Variants in THAP10 observed in about 807,000 individuals in gnomAD.
THAP10 encodes the protein THAP domain containing 10, also known as THAP domain-containing protein 10.
THAP10 carries 10 observed loss-of-function variants against 15.7 expected under a neutral mutation model. The observed-to-expected ratio is 0.64, with a 90% confidence interval of 0.39 to 1.08. The LOEUF (loss-of-function observed/expected upper bound fraction) is 1.08. Among genes scored for constraint, THAP10 ranks in the 50% least tolerant of loss-of-function variants. THAP10 has a pLI of 0.01. For missense variants in THAP10, 310 were observed against 330.9 expected (o/e 0.94, Z 0.49); for synonymous variants, 127 against 129.1 (o/e 0.98, Z 0.11).
intron 1 of THAP10, among the ~76,000 whole-genome samples, chr15:70,890,315 G>C (rs987748012): frequency 6.6e-6 from 1 of 152,204 alleles, no homozygotes; most frequent in Non-Finnish European, 1.5e-5. Flanking sequence ...ATGGTGGACA[G>C]ATGGTTCAAG....
At chr15:70,886,757 T>G (rs2033419258) in intron 1 of THAP10, among the ~76,000 whole-genome samples, 1 of 151,938 alleles carries the variant, frequency 6.6e-6, no homozygotes. Context: ...TCCCAGCTAC[T>G]CGGGAGGCTG....
chr15:70,882,992 T>C (rs1007054118), intron 1 of THAP10, 84 bp from the exon 2 acceptor site: 8 of 1,429,818 alleles, frequency 5.6e-6, no homozygotes, highest in Non-Finnish European at 7.6e-6. Context: ...AGTAAGACAG[T>C]ATAGCTGAAA....
Position 70,882,168 on chromosome 15 carries a change from G to C in THAP10, c.*286C>G, listed in dbSNP as rs1368333178. 3.4e-6 allele frequency: 1 copy of C among 293,654 alleles called. No homozygotes were observed. The highest frequency in any genetic ancestry group is 6.3e-6 in the Non-Finnish European group (1 of 159,004). The allele number at this position is 293,654 out of a possible 1,614,324, so 18.2% of individuals were successfully genotyped here. On this transcript the variant is annotated 3_prime_UTR_variant, in exon 3 of 3. Transcript: ENST00000249861. ...AAACAAATATTCAATGCTTAATTTT[G>C]ATTAGGAAGTGTTGCTGATATTGTG...
intron 1 of THAP10, among the ~76,000 whole-genome samples, chr15:70,885,807 A>G (rs1436305899): frequency 1.3e-5 from 2 of 152,222 alleles, no homozygotes; most frequent in Non-Finnish European, 2.9e-5. Context: ...TAATTAAGAT[A>G]AAAATTCCAA....
chr15:70,890,142 C>T (rs1290095352), intron 1 of THAP10, among the ~76,000 whole-genome samples: 2 of 152,102 alleles, frequency 1.3e-5, no homozygotes, highest in Non-Finnish European at 2.9e-5. Flanking sequence ...GTTTGACTAG[C>T]TTGGCTTTTC....
intron 1 of THAP10, 64 bp downstream of exon 1, chr15:70,891,780 C>G: frequency 7.1e-7 from 1 of 1,405,834 alleles, no homozygotes; most frequent in Non-Finnish European, 9.4e-7. Context: ...CAAGGTGACA[C>G]TAAGTGGAGG....
intron 1 of THAP10, among the ~76,000 whole-genome samples, chr15:70,886,781 G>A (rs935533832): frequency 2.0e-5 from 3 of 151,984 alleles, no homozygotes; most frequent in Non-Finnish European, 2.9e-5. Flanking sequence ...CAGGAGAATC[G>A]CTTGAACCCG....
In THAP10 at chr15:70,882,848, C is replaced by T. The variant is rs1459089136; in HGVS notation, c.490G>A (p.Val164Ile). The T allele has an allele frequency of 3.7e-6, 6 of 1,613,972 alleles. No homozygotes were observed. Among genetic ancestry groups the T allele is most frequent in the Non-Finnish European group, 5.1e-6 (6 of 1,179,986 alleles). ...TCACAGTGAGTAGGTACTGAAGTGA[C>T]AGTATTAGATGGATTATCAGCATGG... ...QPHADNPSNT[V>I]TSVPTHCEEG... The change falls in exon 2 of 3, where the codon GTC becomes ATC. Residue 164 changes from valine to isoleucine, a missense_variant. Physicochemically the swap from Val to Ile is conservative, Grantham distance 29 (BLOSUM62 3). Transcript: ENST00000249861.
chr15:70,887,557 ATTAT>A (rs2033443651), intron 1 of THAP10, among the ~76,000 whole-genome samples: 1 of 152,200 alleles, frequency 6.6e-6, no homozygotes, highest in Non-Finnish European at 1.5e-5. Flanking sequence ...AAAATTCACC[ATTAT>A]TTATAATCTA....
rs560818932 is a variant in THAP10 at position 70,881,883 on chromosome 15, A to G, written c.*571T>C. ...ATTGATTCCTTTGAAAAATTTCTGTAAGAACCATAGATTCATCAGAAATGC... is the reference window on the plus strand; with the variant it reads ...ATTGATTCCTTTGAAAAATTTCTGTGAGAACCATAGATTCATCAGAAATGC... On this transcript the variant is annotated 3_prime_UTR_variant, in exon 3 of 3. Coordinates refer to ENST00000249861, the MANE Select transcript of THAP10 (RefSeq NM_020147.4). 4 of 152,320 alleles carry G rather than the reference A, an allele frequency of 2.6e-5. No individual in the cohort carries two copies. The highest frequency in any genetic ancestry group is 9.6e-5 in the African/African-American group (4 of 41,558). 9.4% of individuals were successfully genotyped at this position (152,320 alleles called of 1,614,324 possible).
At chr15:70,886,952 A>AT (rs1005381463) in intron 1 of THAP10, among the ~76,000 whole-genome samples, 6 of 152,240 alleles carry the variant, frequency 3.9e-5, no homozygotes, top group African/African-American at 1.2e-4. Context: ...CTCAAACAGA[A>AT]TTTTTTTCAA....
In THAP10 at chr15:70,892,214, A is replaced by G; in HGVS notation, c.59T>C (p.Leu20Pro). 1.2e-6 allele frequency: 2 copies of G among 1,601,058 alleles called. No homozygotes were observed. The highest frequency in any genetic ancestry group is 1.7e-6 in the Non-Finnish European group (2 of 1,173,458). Residue 20 changes from leucine to proline, a missense_variant, in exon 1 of 3, where the codon CTG (leucine) becomes CCG (proline). By Grantham distance (98) the Leu-to-Pro change is moderately conservative. Coordinates refer to ENST00000249861, the MANE Select transcript of THAP10 (RefSeq NM_020147.4). ...GGCCCGGTCCTTGGGAAAGCGGAAC[A>G]GCGACTTCCCAGACTTGGTGGTGTT... ...CGNTTKSGKS[L>P]FRFPKDRAVR...
Position 70,891,956 on chromosome 15 carries a change from G to A in THAP10, c.317C>T (p.Ala106Val). 1 of 1,613,610 alleles carries A rather than the reference G, an allele frequency of 6.2e-7. No individual in the cohort carries two copies. Among genetic ancestry groups the A allele is most frequent in the Non-Finnish European group, 8.5e-7 (1 of 1,179,854 alleles). ...CTCTCCTCGCGTGTCCAGGCGGCCT[G>A]CTTGGTCTCCCTCCTCTCCCCTCTT... ...APKRGEEGDQ[A>V]GRLDTRGELQ... is the part of the protein sequence containing the mutation. The change falls in exon 1 of 3, where the codon GCA becomes GTA. Residue 106 changes from alanine (A) to valine (V), a missense_variant. Coordinates refer to ENST00000249861, the MANE Select transcript of THAP10 (RefSeq NM_020147.4).
At chr15:70,890,654 G>C (rs1461455390) in intron 1 of THAP10, among the ~76,000 whole-genome samples, 1 of 152,176 alleles carries the variant, frequency 6.6e-6, no homozygotes, top group African/African-American at 2.4e-5. Context: ...CGAAGAATGA[G>C]AGTACATAAC....
intron 1 of THAP10, among the ~76,000 whole-genome samples, chr15:70,888,078 A>G (rs1243504092): frequency 6.6e-5 from 10 of 152,202 alleles, no homozygotes; most frequent in Admixed American, 3.9e-4. Flanking sequence ...ATGGATTAGA[A>G]GAGTCAATAT....
At chr15:70,885,258 A>C (rs1007511826) in intron 1 of THAP10, among the ~76,000 whole-genome samples, 2 of 152,214 alleles carry the variant, frequency 1.3e-5, no homozygotes, top group African/African-American at 4.8e-5. Flanking sequence ...ATGTCATAAC[A>C]GACATAGGGG....
chr15:70,892,429 G>A lies in THAP10; in HGVS notation c.-157C>T. On this transcript the variant is annotated 5_prime_UTR_variant, in exon 1 of 3. Coordinates refer to ENST00000249861, the MANE Select transcript of THAP10 (RefSeq NM_020147.4). ...CCTACCTCTGGTCACCGGAAGTGGC[G>A]ATCTGGGGCCCCCAATGGGAGGGCT... 6.5e-7 allele frequency: 1 copy of A among 1,536,918 alleles called. No homozygotes were observed. The highest frequency in any genetic ancestry group is 1.2e-5 in the South Asian group (1 of 83,200).
intron 1 of THAP10, among the ~76,000 whole-genome samples, chr15:70,885,373 CA>C (rs1257530622): frequency 1.3e-5 from 2 of 152,110 alleles, no homozygotes; most frequent in African/African-American, 4.8e-5. Flanking sequence ...CATGCCTTTA[CA>C]AAAGTACTAT....
chr15:70,890,008 T>C (rs2033510746), intron 1 of THAP10, among the ~76,000 whole-genome samples: 1 of 152,212 alleles, frequency 6.6e-6, no homozygotes, highest in Non-Finnish European at 1.5e-5. Flanking sequence ...AGCAAGTATA[T>C]TAATGTACTA....
Sources: allele counts gnomAD v4.1 joint callset (sites outside exome capture counted in the v4.1 genomes callset), GRCh38; gene constraint gnomAD v4.1.1; transcripts MANE v1.5; gene names NCBI Gene and HGNC (gene_info 2026-07-23, HGNC 2026-07-21).